Variants in OCA2 observed in about 807,000 individuals in gnomAD.
OCA2 encodes OCA2 melanosomal transmembrane protein, also known as P protein.
Under a neutral mutation model 100.2 loss-of-function variants are expected in OCA2, and 77 were observed. That is an observed-to-expected ratio of 0.77 (90% confidence interval 0.64 to 0.93). The LOEUF (loss-of-function observed/expected upper bound fraction) is 0.93. Ranked by LOEUF, OCA2 falls within the 40% of genes least tolerant of loss-of-function variation. OCA2 has a pLI of 0.00. For synonymous variants in OCA2, 432 were observed against 439.2 expected, an observed-to-expected ratio of 0.98 and a Z score of 0.21; for missense variants, 1,062 against 1,089.1, an observed-to-expected ratio of 0.98 and a Z score of 0.35.
chr15:28,079,556 G>A (rs1040142176), intron 2 of OCA2, among the ~76,000 whole-genome samples: 3 of 152,108 alleles, frequency 2.0e-5, no homozygotes, highest in African/African-American at 7.2e-5. Context: ...CGCACTGTGG[G>A]TGGGTTGGGC....
At chr15:27,757,237 G>C (rs1003278968) in intron 23 of OCA2, among the ~76,000 whole-genome samples, 1 of 152,234 alleles carries the variant, frequency 6.6e-6, no homozygotes, top group Admixed American at 6.5e-5. Context: ...GTGATTAAGA[G>C]TGTGTACTCC....
chr15:28,095,049 G>A (rs1282054288), intron 1 of OCA2, among the ~76,000 whole-genome samples: 1 of 152,256 alleles, frequency 6.6e-6, no homozygotes, highest in Non-Finnish European at 1.5e-5. Flanking sequence ...GGGTGTGAAT[G>A]AGCAGCAGCC....
chr15:27,752,435 C>T (rs1251289817), downstream of OCA2, among the ~76,000 whole-genome samples: 2 of 152,114 alleles, frequency 1.3e-5, no homozygotes, highest in Non-Finnish European at 2.9e-5. Context: ...TGGGCAAGCT[C>T]GCGTGGTCTC....
chr15:27,992,583 G>T (rs535216649), intron 9 of OCA2, among the ~76,000 whole-genome samples: 1 of 152,180 alleles, frequency 6.6e-6, no homozygotes, highest in Non-Finnish European at 1.5e-5. Context: ...AGAACAAGGC[G>T]AAGACACTTC....
At chr15:27,763,357 G>A (rs2030992020) in intron 23 of OCA2, among the ~76,000 whole-genome samples, 1 of 152,162 alleles carries the variant, frequency 6.6e-6, no homozygotes, top group Non-Finnish European at 1.5e-5. Flanking sequence ...ATAAAGACAT[G>A]CTACTGGCTA....
At chr15:28,082,195 A>G (rs2141903553) in intron 1 of OCA2, among the ~76,000 whole-genome samples, 1 of 152,298 alleles carries the variant, frequency 6.6e-6, no homozygotes, top group East Asian at 1.9e-4. Context: ...AAATGGACCA[A>G]TCAGCACTCT....
chr15:27,796,886 G>A (rs1022087578), intron 23 of OCA2, among the ~76,000 whole-genome samples: 1 of 152,166 alleles, frequency 6.6e-6, no homozygotes, highest in Non-Finnish European at 1.5e-5. Context: ...CCAATCACAA[G>A]CCCTGGGCCC....
At chr15:27,997,159 AAAGG>A (rs777571567) in intron 9 of OCA2, among the ~76,000 whole-genome samples, 75 of 147,910 alleles carry the variant, frequency 5.1e-4, no homozygotes, top group Middle Eastern at 3.4e-3. Context: ...AGAAAGAAAG[AAAGG>A]AAGGAAGGAA....
At chr15:27,978,700 T>C (rs2041048364) in intron 14 of OCA2, among the ~76,000 whole-genome samples, 1 of 152,096 alleles carries the variant, frequency 6.6e-6, no homozygotes, top group Admixed American at 6.6e-5. Flanking sequence ...ATTTTTTTTT[T>C]TCCTGAGACG....
At chr15:27,889,975 T>C (rs2037387907) in intron 19 of OCA2, among the ~76,000 whole-genome samples, 1 of 152,170 alleles carries the variant, frequency 6.6e-6, no homozygotes, top group African/African-American at 2.4e-5. Flanking sequence ...AAGTCCAAGA[T>C]CCAGGTACCA....
At chr15:28,003,242 T>C (rs111977040) in intron 9 of OCA2, among the ~76,000 whole-genome samples, 4,751 of 152,350 alleles carry the variant, frequency 0.031, 277 homozygotes, top group African/African-American at 0.11. Flanking sequence ...CGCAATAAAA[T>C]AGCCTGTGAG....
Position 28,032,142 on chromosome 15 carries a change from C to G in OCA2, c.249G>C (p.Gln83His). Residue 83 changes from glutamine (Q) to histidine (H), a missense_variant, in exon 3 of 24, where the codon CAG (glutamine) becomes CAC (histidine). Transcript: ENST00000354638. ...AATCTTTAGACCTGGAGCTGGACAT[C>G]TGGGGCAAAGAAGAGTGAGACCTGA... The part of the protein sequence containing the change: ...TKGRSHSSLP[Q>H]MSSSRSKDSC... 1 of 1,613,868 alleles carries G rather than the reference C, an allele frequency of 6.2e-7. No individual in the cohort carries two copies. The highest frequency in any genetic ancestry group is 8.5e-7 in the Non-Finnish European group (1 of 1,179,798).
chr15:28,003,110 T>TC (rs1245802473), intron 9 of OCA2, among the ~76,000 whole-genome samples: 1 of 152,314 alleles, frequency 6.6e-6, no homozygotes, highest in African/African-American at 2.4e-5. Flanking sequence ...CTGTGCTTCT[T>TC]CCCCCACGTG....
At chr15:28,018,063 G>A (rs1245719743) in intron 7 of OCA2, among the ~76,000 whole-genome samples, 1 of 150,830 alleles carries the variant, frequency 6.6e-6, no homozygotes, top group Non-Finnish European at 1.5e-5. Flanking sequence ...GAACCCTGAC[G>A]TAAGGCCCGG....
chr15:27,847,978 G>C (rs539603302), intron 22 of OCA2, among the ~76,000 whole-genome samples: 1 of 152,194 alleles, frequency 6.6e-6, no homozygotes, highest in Non-Finnish European at 1.5e-5. Flanking sequence ...ACACAGAGCC[G>C]GCCCACACTC....
chr15:27,933,948 T>C (rs2039354522), intron 18 of OCA2, among the ~76,000 whole-genome samples: 1 of 152,156 alleles, frequency 6.6e-6, no homozygotes, highest in Non-Finnish European at 1.5e-5. Context: ...GTTGTATGTG[T>C]TATATACATA....
At chr15:27,865,096 G>A (rs1318418523) in intron 21 of OCA2, among the ~76,000 whole-genome samples, 8 of 151,896 alleles carry the variant, frequency 5.3e-5, no homozygotes, top group Admixed American at 3.3e-4. Flanking sequence ...AGCTGACAAC[G>A]CAAATGTAGC....
At chr15:27,941,898 C>T (rs756240629) in intron 18 of OCA2, among the ~76,000 whole-genome samples, 32 of 152,226 alleles carry the variant, frequency 2.1e-4, no homozygotes, top group Non-Finnish European at 2.2e-4. Context: ...CCAATAAGCA[C>T]ATGAAAAGAT....
rs557396099 is a variant in OCA2 at position 27,849,928 on chromosome 15, C to T, written c.2338+1454G>A. On this transcript the variant is annotated intron_variant, in intron 22 of 23. Coordinates refer to ENST00000354638, the MANE Select transcript of OCA2 (RefSeq NM_000275.3). ...ACTCCCAACACAACTGCACTCCTGC[C>T]GTGCCAGGAACAGGTGCCTTTCAAT... Among the ~76,000 whole-genome samples, 187 of 152,196 alleles carry T rather than the reference C, an allele frequency of 1.2e-3. 2 individuals carry two copies. Among genetic ancestry groups the T allele is most frequent in the African/African-American group, 3.5e-3 (146 of 41,524 alleles).
Sources: allele counts gnomAD v4.1 joint callset (sites outside exome capture counted in the v4.1 genomes callset), GRCh38; gene constraint gnomAD v4.1.1; transcripts MANE v1.5; gene names NCBI Gene and HGNC (gene_info 2026-07-23, HGNC 2026-07-21).